KDM5A: variants seen among roughly 807,000 people sequenced by gnomAD.
KDM5A encodes lysine-specific demethylase 5A.
Under a neutral mutation model 193.5 loss-of-function variants are expected in KDM5A, and 42 were observed. The ratio of observed to expected loss-of-function variants is 0.22; its 90% CI spans 0.17 to 0.28. The LOEUF (loss-of-function observed/expected upper bound fraction) is 0.28. Ranked by LOEUF, KDM5A falls within the 10% of genes least tolerant of loss-of-function variation. The probability of loss-of-function intolerance (pLI) is 1.00; values close to 1 mark genes in which losing one functional copy is unlikely to be tolerated. For synonymous variants in KDM5A, 796 were observed against 718.1 expected (o/e 1.11, Z -1.73); for missense variants, 1,692 against 2,055.1 (o/e 0.82, Z 3.42).
At chr12:353,936 AG>A in intron 8 of KDM5A, 139 bp downstream of exon 8, 3 of 686,590 alleles carry the variant, frequency 4.4e-6, no homozygotes, top group Non-Finnish European at 4.9e-6. Context: ...AAAAAAAAAA[AG>A]TCCTGGAAAT....
intron 3 of KDM5A, among the ~76,000 whole-genome samples, chr12:367,396 T>C (rs983611954): frequency 6.6e-6 from 1 of 151,300 alleles, no homozygotes; most frequent in Non-Finnish European, 1.5e-5. Context: ...TACAAAAAAA[T>C]TTAAAAATTA....
At chr12:342,904 G>A (rs1017589127) in intron 10 of KDM5A, among the ~76,000 whole-genome samples, 5 of 152,086 alleles carry the variant, frequency 3.3e-5, no homozygotes, top group African/African-American at 1.2e-4. Context: ...TGAGATACCT[G>A]GATCATTCAC....
At chr12:347,121 AACAG>A (rs200840199) in intron 10 of KDM5A, among the ~76,000 whole-genome samples, 2,668 of 152,288 alleles carry the variant, frequency 0.018, 107 homozygotes, top group South Asian at 0.16. Context: ...ATATATCATT[AACAG>A]ACAAACAGCC....
chr12:319,254 C>T (rs1185352864), intron 18 of KDM5A, among the ~76,000 whole-genome samples: 1 of 152,028 alleles, frequency 6.6e-6, no homozygotes, highest in Non-Finnish European at 1.5e-5. Context: ...AAATGTCAGA[C>T]GAGCAAAAGA....
chr12:299,885 G>C lies in KDM5A; in HGVS notation c.4075-2685C>G, dbSNP rs182147691. Among the ~76,000 whole-genome samples, 3 of 150,354 alleles carry C rather than the reference G, an allele frequency of 2.0e-5. No individual in the cohort carries two copies. The East Asian group carries it at 5.9e-4, about 30-fold the overall frequency. ...AATGGAAAACAAAAAAAAAGCAGGA[G>C]TTGCAATCCCAGTCTCTGATAAAAC... On this transcript the variant is annotated intron_variant, in intron 24 of 27. Transcript: ENST00000399788.
chr12:358,086 T>C (rs1944248919), intron 5 of KDM5A, among the ~76,000 whole-genome samples: 1 of 152,218 alleles, frequency 6.6e-6, no homozygotes, highest in Non-Finnish European at 1.5e-5. Flanking sequence ...TTGTTATTAA[T>C]GTTTAAGCTA....
chr12:377,778 C>T (rs1287248800), intron 3 of KDM5A, among the ~76,000 whole-genome samples: 1 of 151,966 alleles, frequency 6.6e-6, no homozygotes, highest in Non-Finnish European at 1.5e-5. Context: ...GGAAAAGAGG[C>T]CAAGGAATTC....
chr12:379,088 C>T (rs1295832014), intron 3 of KDM5A, among the ~76,000 whole-genome samples: 1 of 151,858 alleles, frequency 6.6e-6, no homozygotes, highest in Non-Finnish European at 1.5e-5. Context: ...AGGAAACCAT[C>T]ATGCTGATGA....
At chr12:292,076 G>A (rs1943302092) in intron 27 of KDM5A, among the ~76,000 whole-genome samples, 1 of 151,918 alleles carries the variant, frequency 6.6e-6, no homozygotes, top group Admixed American at 6.6e-5. Context: ...CTCATTTTTT[G>A]TATTTTTAGT....
chr12:357,826 T>TAAAAAAA (rs1228761448), intron 5 of KDM5A, among the ~76,000 whole-genome samples: 2 of 5,562 alleles, frequency 3.6e-4, no homozygotes, highest in African/African-American at 5.1e-4. Flanking sequence ...AGACTCAGTC[T>TAAAAAAA]CAAAAAAAAA....
At chr12:326,878 A>G (rs1423227645) in intron 14 of KDM5A, among the ~76,000 whole-genome samples, 1 of 149,316 alleles carries the variant, frequency 6.7e-6, no homozygotes, top group East Asian at 1.9e-4. Flanking sequence ...AAAAAAAAAA[A>G]AAAAAAAAAA....
intron 10 of KDM5A, 95 bp from the exon 11 acceptor site, chr12:334,517 T>C: frequency 2.2e-6 from 2 of 905,698 alleles, no homozygotes; most frequent in Non-Finnish European, 3.6e-6. Flanking sequence ...TTTTTTATAA[T>C]ATTTATAATA....
rs116581518 is a variant in KDM5A, at chr12:388,891, T to C, written c.165+36A>G. Reference sequence around the variant, plus strand: ...ACCCAGTGTACGGACTCCCCCATTCTTCCTTCTCCCCCTCTCTCTTCACAG... The same window carrying C: ...ACCCAGTGTACGGACTCCCCCATTCCTCCTTCTCCCCCTCTCTCTTCACAG... On this transcript the variant is annotated intron_variant, in intron 1 of 27. Coordinates refer to ENST00000399788, the MANE Select transcript of KDM5A (RefSeq NM_001042603.3). 2.9e-3 allele frequency: 4,598 copies of C among 1,611,970 alleles called. 110 individuals are homozygous for C. The African/African-American group carries it at 0.051, about 18-fold the overall frequency.
At chr12:367,451 C>G (rs1443409862) in intron 3 of KDM5A, among the ~76,000 whole-genome samples, 1 of 152,084 alleles carries the variant, frequency 6.6e-6, no homozygotes, top group African/African-American at 2.4e-5. Context: ...AATCCCAGGA[C>G]TTTGGGAGGC....
At chr12:336,359 A>T (rs1214718997) in intron 10 of KDM5A, among the ~76,000 whole-genome samples, 1 of 106,496 alleles carries the variant, frequency 9.4e-6, no homozygotes, top group African/African-American at 5.1e-5. Flanking sequence ...CTGTCTCACT[A>T]AAAAAAAAAA....
In KDM5A at chr12:307,952, G is replaced by T; in HGVS notation, c.3432C>A (p.Leu1144=). ...EQKEIEAMHS[L]RAANLAKMTM... ...TCATCTTGGCTAGGTTGGCTGCTCT[G>T]AGAGAATGCATGGCTTCAATCTCTT... Residue 1144 remains leucine (L), a synonymous_variant, in exon 23 of 28, where the codon CTC becomes CTA. Transcript: ENST00000399788. The surrounding 1 kb of genome is among the most constrained non-coding windows in gnomAD (Gnocchi z 4.3). 6.2e-7 allele frequency: 1 copy of T among 1,614,142 alleles called. No individual in the cohort carries two copies. The highest frequency in any genetic ancestry group is 8.5e-7 in the Non-Finnish European group (1 of 1,180,024).
intron 27 of KDM5A, among the ~76,000 whole-genome samples, chr12:288,774 T>C (rs1943252352): frequency 6.6e-6 from 1 of 152,236 alleles, no homozygotes; most frequent in Non-Finnish European, 1.5e-5. Context: ...TATATTTTCT[T>C]GGTGCTCTCA....
At position 334,355 on chromosome 12, in the gene KDM5A, A is replaced by C; in HGVS notation, c.1376T>G (p.Ile459Ser). Residue 459 changes from isoleucine (I) to serine (S), a missense_variant, in exon 11 of 28, where the codon ATT becomes AGT. Physicochemically the swap from Ile to Ser is moderately radical, Grantham distance 142. Around this residue, in one of 11 missense-constraint regions of KDM5A, gnomAD observed 172 missense variants for 260.3 expected, o/e 0.66. Coordinates refer to ENST00000399788, the MANE Select transcript of KDM5A (RefSeq NM_001042603.3). ...PVLEQSVLAH[I>S]NVDISGMKVP... is the part of the protein sequence containing the mutation. ...TTTCATACCAGAGATGTCCACATTA[A>C]TATGTGCAAGAACAGACTGTTCCAG... is the stretch of plus-strand genomic sequence containing the variant. 1 of 1,613,816 alleles carries C rather than the reference A, an allele frequency of 6.2e-7. No individual in the cohort carries two copies.
chr12:285,341 G>C lies in KDM5A; in HGVS notation c.*115C>G. Reference sequence around the variant, plus strand: ...AGCCAGCACTAAGGGGACTTTCTCTGAAGGCCATTCATCTTTGGAAGCAAC... The same window carrying C: ...AGCCAGCACTAAGGGGACTTTCTCTCAAGGCCATTCATCTTTGGAAGCAAC... On this transcript the variant is annotated 3_prime_UTR_variant, in exon 28 of 28. Transcript: ENST00000399788. The C allele has an allele frequency of 1.1e-6, 1 of 891,960 alleles. No homozygotes were observed. The highest frequency in any genetic ancestry group is 1.6e-5 in the African/African-American group (1 of 60,772). 55.3% of individuals were successfully genotyped at this position (891,960 alleles called of 1,614,324 possible).
Sources: allele counts gnomAD v4.1 joint callset (sites outside exome capture counted in the v4.1 genomes callset), GRCh38; gene constraint gnomAD v4.1.1; regional missense constraint gnomAD v4.1.1; non-coding constraint Gnocchi (gnomAD v3.1); transcripts MANE v1.5; gene names NCBI Gene and HGNC (gene_info 2026-07-23, HGNC 2026-07-21).